The following CALN1 variants were observed in gnomAD, a reference collection of about 807,000 sequenced individuals.
CALN1 encodes calcium-binding protein 8.
Under a neutral mutation model 30.6 loss-of-function variants are expected in CALN1, and 17 were observed. The observed-to-expected ratio is 0.56, with a 90% confidence interval of 0.38 to 0.83. The LOEUF (loss-of-function observed/expected upper bound fraction) is 0.83, where lower values mean the gene tolerates loss of function less well. Ranked by LOEUF, CALN1 falls within the 40% of genes least tolerant of loss-of-function variation. The probability of loss-of-function intolerance (pLI) is 0.00; values close to 1 mark genes in which losing one functional copy is unlikely to be tolerated. For synonymous variants in CALN1, 156 were observed against 131.4 expected (o/e 1.19, Z -1.28); for missense variants, 291 against 354.9 (o/e 0.82, Z 1.45).
intron 3 of CALN1, among the ~76,000 whole-genome samples, chr7:72,190,936 C>A (rs1000277847): frequency 6.6e-6 from 1 of 152,066 alleles, no homozygotes; most frequent in African/African-American, 2.4e-5. Context: ...ACATTTCCTT[C>A]ATAGCTATTG....
chr7:72,185,687 G>A (rs1790137507), intron 3 of CALN1, among the ~76,000 whole-genome samples: 1 of 152,148 alleles, frequency 6.6e-6, no homozygotes, highest in Admixed American at 6.6e-5. Flanking sequence ...GGGACACAGT[G>A]GGAGATAATT....
chr7:72,197,301 A>C (rs1791096100), intron 3 of CALN1, among the ~76,000 whole-genome samples: 1 of 148,782 alleles, frequency 6.7e-6, no homozygotes, highest in Non-Finnish European at 1.5e-5. Flanking sequence ...TCCCAGGTTC[A>C]AGTGATTCTT....
chr7:72,113,808 T>C (rs901733152), intron 3 of CALN1, among the ~76,000 whole-genome samples: 2 of 152,226 alleles, frequency 1.3e-5, no homozygotes, highest in African/African-American at 4.8e-5. Flanking sequence ...GACCCTTTCA[T>C]GTAGGCCACA....
At chr7:71,974,813 A>ACGGCT (rs1798022711) in intron 5 of CALN1, among the ~76,000 whole-genome samples, 1 of 152,180 alleles carries the variant, frequency 6.6e-6, no homozygotes, top group Non-Finnish European at 1.5e-5. Context: ...CACCTGGCCT[A>ACGGCT]CGGCTCTGTA....
At chr7:72,455,321 ATGTGTGTGTGTGTGTG>A in the CALN1 span, among the ~76,000 whole-genome samples, 6,464 of 138,856 alleles carry the variant, frequency 0.047, 569 homozygotes, top group East Asian at 0.38. Context: ...ATATATATAT[ATGTGTGTGTGTGTGTG>A]TGTGTGTGTG....
At chr7:72,310,696 G>T (rs1340807625) in intron 2 of CALN1, among the ~76,000 whole-genome samples, 2 of 151,816 alleles carry the variant, frequency 1.3e-5, no homozygotes, top group Non-Finnish European at 2.9e-5. Context: ...CTGAGGCCGG[G>T]AGTTCGAGAC....
intron 4 of CALN1, among the ~76,000 whole-genome samples, chr7:72,101,489 C>T (rs1188642005): frequency 6.6e-6 from 1 of 152,148 alleles, no homozygotes; most frequent in Non-Finnish European, 1.5e-5. Flanking sequence ...CCTACAAAGA[C>T]ATGGTGAGTC....
At chr7:71,902,257 CAACCAACCAATCA>C (rs1185299407) in intron 5 of CALN1, among the ~76,000 whole-genome samples, 19 of 133,160 alleles carry the variant, frequency 1.4e-4, no homozygotes, top group African/African-American at 4.0e-4. Context: ...ACCAACCAAC[CAACCAACCAATCA>C]AAAAAAAAAA....
intron 6 of CALN1, among the ~76,000 whole-genome samples, chr7:71,801,704 C>G (rs1787325200): frequency 6.6e-6 from 1 of 152,004 alleles, no homozygotes; most frequent in Non-Finnish European, 1.5e-5. Context: ...TTGCTGGGCA[C>G]AGTGGCTCAT....
intron 4 of CALN1, among the ~76,000 whole-genome samples, chr7:72,080,987 C>G (rs993976272): frequency 6.6e-6 from 1 of 152,068 alleles, no homozygotes; most frequent in Non-Finnish European, 1.5e-5. Flanking sequence ...TTCGCCTAAT[C>G]TGGAATTGGT....
intron 2 of CALN1, among the ~76,000 whole-genome samples, chr7:72,385,565 A>G (rs190005529): frequency 6.5e-4 from 99 of 152,142 alleles, no homozygotes; most frequent in Non-Finnish European, 1.2e-3. Context: ...ATGGAATACT[A>G]TTCAGTTATA....
chr7:72,251,553 C>A (rs1013171794), intron 3 of CALN1, among the ~76,000 whole-genome samples: 2 of 152,088 alleles, frequency 1.3e-5, no homozygotes, highest in African/African-American at 4.8e-5. Flanking sequence ...GTACACATCA[C>A]CATGCCCGGC....
chr7:72,271,575 A>AAAAAAAAAAAAAATATATAT, intron 3 of CALN1, among the ~76,000 whole-genome samples: 1 of 52,126 alleles, frequency 1.9e-5, no homozygotes, highest in African/African-American at 1.3e-4. Flanking sequence ...AAAAAAAAAA[A>AAAAAAAAAAAAAATATATAT]ATATATATAT....
At chr7:72,263,267 A>C (rs1796390202) in intron 3 of CALN1, among the ~76,000 whole-genome samples, 1 of 152,228 alleles carries the variant, frequency 6.6e-6, no homozygotes, top group African/African-American at 2.4e-5. Context: ...TGCATGTATT[A>C]TCTCTTATTA....
At chr7:71,963,944 TC>T (rs753740126) in intron 5 of CALN1, among the ~76,000 whole-genome samples, 3 of 152,172 alleles carry the variant, frequency 2.0e-5, no homozygotes, top group Non-Finnish European at 4.4e-5. Context: ...CATATTCTTA[TC>T]CCCTCTGATA....
the CALN1 span, among the ~76,000 whole-genome samples, chr7:72,497,000 C>G: frequency 6.6e-6 from 1 of 152,140 alleles, no homozygotes; most frequent in Non-Finnish European, 1.5e-5. Flanking sequence ...CCACAAAATC[C>G]TTATGTAAGT....
chr7:72,236,643 T>C (rs1321244200), intron 3 of CALN1, among the ~76,000 whole-genome samples: 1 of 152,186 alleles, frequency 6.6e-6, no homozygotes, highest in African/African-American at 2.4e-5. Flanking sequence ...AAAATCAAAT[T>C]ATCCCTACAA....
Position 72,336,924 on chromosome 7 carries a change from C to A in CALN1, c.120-58114G>T, listed in dbSNP as rs1359495201. 6 of 984,978 alleles carry A rather than the reference C, an allele frequency of 6.1e-6. No homozygotes were observed. The South Asian group carries it at 2.3e-4, about 39-fold the overall frequency. 61.0% of individuals were successfully genotyped at this position (984,978 alleles called of 1,614,324 possible). A position where few individuals can be genotyped will look rare whatever the true frequency, so the allele number is the denominator to read the frequency against. On this transcript the variant is annotated intron_variant, in intron 2 of 6. Transcript: ENST00000395275. The stretch of plus-strand genomic sequence containing the variant: ...GCGCCCCCGGGCCGCTCCCCACGCG[C>A]GCGCCGGGACCTGCACGAGCCCCCT...
chr7:72,144,188 A>G lies in CALN1; in HGVS notation c.245-37894T>C, dbSNP rs1039391719. 6.6e-5 allele frequency among the ~76,000 whole-genome samples: 10 copies of G among 152,310 alleles called. No individual in the cohort carries two copies. In the East Asian group the frequency reaches 7.7e-4, roughly 12 times the overall value. On this transcript the variant is annotated intron_variant, in intron 3 of 6. Transcript: ENST00000395275. ...TAAAAGACACAGACTGGCAAATTGG[A>G]TAAAGAGTCAAGACCCATCAGTGTG...
Sources: gnomAD v4.1 joint callset for allele counts (sites outside exome capture counted in the v4.1 genomes callset) on GRCh38, gnomAD v4.1.1 for gene constraint, MANE v1.5 for transcripts, NCBI Gene and HGNC (gene_info 2026-07-23, HGNC 2026-07-21) for gene names.